Variants in NUP155 observed in about 807,000 individuals in gnomAD.
NUP155 encodes nuclear pore complex protein Nup155.
Under a neutral mutation model 180.4 loss-of-function variants are expected in NUP155, and 71 were observed. The ratio of observed to expected loss-of-function variants is 0.39; its 90% CI spans 0.33 to 0.48. The LOEUF (loss-of-function observed/expected upper bound fraction) is 0.48. NUP155 is among the 20% of genes least tolerant of loss of function. The pLI is 0.91. For missense variants in NUP155, 1,553 were observed against 1,648.9 expected, an observed-to-expected ratio of 0.94 and a Z score of 1.01; for synonymous variants, 582 against 559.5, an observed-to-expected ratio of 1.04 and a Z score of -0.57.
intron 14 of NUP155, 30 bp downstream of exon 14, chr5:37,331,655 A>T (rs1438382164): frequency 3.2e-6 from 4 of 1,263,740 alleles, no homozygotes; most frequent in Non-Finnish European, 4.6e-6. Context: ...TTAAAATAGC[A>T]TCACATTTTT....
chr5:37,344,889 G>T (rs964219594), intron 9 of NUP155, among the ~76,000 whole-genome samples: 1 of 140,300 alleles, frequency 7.1e-6, no homozygotes, highest in Admixed American at 7.2e-5. Context: ...AAAAAAAAAA[G>T]ATTTTGGGGG....
chr5:37,293,248 C>A, intron 33 of NUP155: 1 of 342,738 alleles, frequency 2.9e-6, no homozygotes, highest in South Asian at 3.4e-5. Flanking sequence ...TGTAAATGTC[C>A]CGCTTAGGAA....
At chr5:37,294,519 A>G in intron 32 of NUP155, 54 bp from the exon 33 acceptor site, 2 of 1,536,920 alleles carry the variant, frequency 1.3e-6, no homozygotes, top group Non-Finnish European at 1.8e-6. Flanking sequence ...TGATACTAAA[A>G]GGTAGGTCTT....
intron 4 of NUP155, among the ~76,000 whole-genome samples, chr5:37,356,248 T>C (rs983878928): frequency 8.2e-6 from 1 of 122,616 alleles, no homozygotes; most frequent in Non-Finnish European, 1.8e-5. Flanking sequence ...AAAAAAAAAA[T>C]AGAGATTTGG....
At chr5:37,302,650 A>G in intron 29 of NUP155, 129 bp downstream of exon 29, 1 of 915,668 alleles carries the variant, frequency 1.1e-6, no homozygotes, top group Non-Finnish European at 1.7e-6. Context: ...AAATAAATAT[A>G]AACAGACAAA....
chr5:37,362,523 G>C (rs142923615), intron 3 of NUP155, among the ~76,000 whole-genome samples: 92 of 152,146 alleles, frequency 6.0e-4, no homozygotes, highest in African/African-American at 2.1e-3. Flanking sequence ...CCCGACTGCA[G>C]GTGATCTGCC....
intron 4 of NUP155, among the ~76,000 whole-genome samples, chr5:37,353,713 C>T (rs1746622412): frequency 6.6e-6 from 1 of 152,034 alleles, no homozygotes; most frequent in South Asian, 2.1e-4. Flanking sequence ...CCATATGATT[C>T]CATTTATATG....
At chr5:37,294,757 A>G (rs1055243477) in intron 32 of NUP155, among the ~76,000 whole-genome samples, 3 of 152,130 alleles carry the variant, frequency 2.0e-5, no homozygotes, top group African/African-American at 7.2e-5. Context: ...TAAAAGAAAA[A>G]AAAAGTTTTT....
At chr5:37,324,409 C>T (rs1744447230) in intron 19 of NUP155, among the ~76,000 whole-genome samples, 1 of 152,114 alleles carries the variant, frequency 6.6e-6, no homozygotes, top group South Asian at 2.1e-4. Flanking sequence ...TTCCTATGTT[C>T]CTTTGTAGCC....
At chr5:37,338,705 G>A (rs1224347577) in intron 11 of NUP155, among the ~76,000 whole-genome samples, 1 of 151,910 alleles carries the variant, frequency 6.6e-6, no homozygotes, top group Non-Finnish European at 1.5e-5. Context: ...GCGCCCAACC[G>A]AACATCAATC....
intron 27 of NUP155, among the ~76,000 whole-genome samples, chr5:37,303,938 C>A (rs1365900204): frequency 2.0e-5 from 3 of 151,654 alleles, no homozygotes; most frequent in Admixed American, 6.6e-5. Flanking sequence ...CAGATTGAGA[C>A]CCTGCCTCAA....
At chr5:37,332,313 C>CTTTTTTTTTTTTTTTTTTTTTTT (rs1021002313) in intron 13 of NUP155, among the ~76,000 whole-genome samples, 1 of 87,728 alleles carries the variant, frequency 1.1e-5, no homozygotes, top group Non-Finnish European at 2.1e-5. Flanking sequence ...GCCATTACAG[C>CTTTTTTTTTTTTTTTTTTTTTTT]TTTTTTTTTT....
rs1581218553 is a variant in NUP155, at chr5:37,364,364, T to C, written c.178A>G (p.Met60Val). Residue 60 changes from methionine (M) to valine (V), a missense_variant, in exon 2 of 35, where the codon ATG becomes GTG. Met to Val is a conservative substitution (Grantham distance 21, BLOSUM62 1). Transcript: ENST00000231498. ...SAPNNPTVSG[M>V]SDMDYPLQGP... The stretch of plus-strand genomic sequence containing the variant: ...TGCAAAGGATAATCCATATCTGACA[T>C]GCCAGAAACGGTGGGATTATCTACA... 2 of 1,612,176 alleles carry C rather than the reference T, an allele frequency of 1.2e-6. No individual in the cohort carries two copies. The highest frequency in any genetic ancestry group is 1.7e-6 in the Non-Finnish European group (2 of 1,178,218).
At chr5:37,321,114 T>TGAA (rs10529760) in intron 20 of NUP155, among the ~76,000 whole-genome samples, 48,918 of 151,888 alleles carry the variant, frequency 0.32, 12,287 homozygotes, top group African/African-American at 0.71. Context: ...TTTGGGAGGC[T>TGAA]GAAGGTGGAT....
chr5:37,367,947 C>A (rs921924728), intron 1 of NUP155, among the ~76,000 whole-genome samples: 6 of 152,158 alleles, frequency 3.9e-5, no homozygotes, highest in Admixed American at 6.5e-5. Context: ...CCACACCCAG[C>A]TAATTTTTGT....
intron 31 of NUP155, 86 bp from the exon 32 acceptor site, chr5:37,299,064 T>G: frequency 2.5e-6 from 2 of 799,848 alleles, no homozygotes; most frequent in Non-Finnish European, 4.3e-6. Context: ...GTTTCAAGGT[T>G]CAAAATACTT....
intron 16 of NUP155, among the ~76,000 whole-genome samples, chr5:37,328,864 G>A (rs1261171362): frequency 3.3e-5 from 5 of 152,150 alleles, no homozygotes; most frequent in African/African-American, 9.7e-5. Flanking sequence ...AAGAATTAGG[G>A]ACTGATCTCC....
At position 37,292,921 on chromosome 5, in the gene NUP155, A is replaced by G. The variant is rs1227267674; in HGVS notation, c.3995T>C (p.Ile1332Thr). ...TTGGCTGGGATTCTCAACATATCTT[A>G]TCAATAATACATGTATACAATCCAA... ...HLLDCIHVLLIRYVENPSQVL... is the reference protein window; with the variant it reads ...HLLDCIHVLLTRYVENPSQVL... The change falls in exon 34 of 35, where the codon ATA becomes ACA. Residue 1332 changes from isoleucine (I) to threonine (T), a missense_variant. Coordinates refer to ENST00000231498, the MANE Select transcript of NUP155 (RefSeq NM_153485.3). The G allele has an allele frequency of 9.9e-6, 16 of 1,612,342 alleles. No individual in the cohort carries two copies. The highest frequency in any genetic ancestry group is 1.3e-5 in the African/African-American group (1 of 74,886).
At position 37,358,061 on chromosome 5, in the gene NUP155, C is replaced by T. The variant is rs527618956; in HGVS notation, c.463+20G>A. On this transcript the variant is annotated intron_variant, in intron 4 of 34. Transcript: ENST00000231498. ...TTACATATACAAACATAATCTCTTC[C>T]TTATAGTTTTATTTCTTACCTGCTT... 85 of 1,543,280 alleles carry T rather than the reference C, an allele frequency of 5.5e-5. No homozygotes were observed. The South Asian group carries it at 7.8e-4, about 14-fold the overall frequency.
Sources: allele counts gnomAD v4.1 joint callset (sites outside exome capture counted in the v4.1 genomes callset), GRCh38; gene constraint gnomAD v4.1.1; transcripts MANE v1.5; gene names NCBI Gene and HGNC (gene_info 2026-07-23, HGNC 2026-07-21).